CARF: variants seen among roughly 807,000 people sequenced by gnomAD.
The protein encoded by CARF is calcium-responsive transcription factor.
A neutral mutation model predicts 82.0 loss-of-function variants in CARF; 57 were observed. The ratio of observed to expected loss-of-function variants is 0.70; its 90% CI spans 0.56 to 0.87. The LOEUF is 0.87. CARF is among the 40% of genes least tolerant of loss of function. The pLI, the probability that CARF is intolerant of heterozygous loss-of-function variation, is 0.00. For missense variants in CARF, 771 were observed against 855.8 expected (o/e 0.90, Z 1.24); for synonymous variants, 268 against 290.1 (o/e 0.92, Z 0.77).
intron 12 of CARF, chr2:202,973,407 A>G (rs2059887413): frequency 4.7e-6 from 2 of 423,982 alleles, no homozygotes; most frequent in Non-Finnish European, 9.2e-6. Context: ...TCTTTTATAT[A>G]TTGATTTTTT....
In CARF at chr2:202,971,522, C is replaced by G; in HGVS notation, c.1115C>G (p.Pro372Arg). ...CTTACCAGGTGGTATGTACAGTTAC[C>G]TACACAGCAAGCTCATCAGTATCAT... is the stretch of plus-strand genomic sequence containing the variant. ...GGVLRWYVQL[P>R]TQQAHQYHEL... Residue 372 changes from proline (P) to arginine (R), a missense_variant, in exon 12 of 17, where the codon CCT (proline) becomes CGT (arginine). Physicochemically the swap from Pro to Arg is moderately radical, Grantham distance 103. Transcript: ENST00000438828. 1.2e-6 allele frequency: 2 copies of G among 1,610,904 alleles called. No individual in the cohort carries two copies. Among genetic ancestry groups the G allele is most frequent in the Non-Finnish European group, 1.7e-6 (2 of 1,177,724 alleles).
At chr2:202,952,738 A>G in intron 6 of CARF, 59 bp downstream of exon 6, 1 of 1,525,502 alleles carries the variant, frequency 6.6e-7, no homozygotes, top group Non-Finnish European at 8.9e-7. Flanking sequence ...AATATTTTAG[A>G]AAAATCACCT....
At chr2:202,918,421 T>C (rs1264952353) in intron 2 of CARF, among the ~76,000 whole-genome samples, 1 of 152,108 alleles carries the variant, frequency 6.6e-6, no homozygotes, top group African/African-American at 2.4e-5. Flanking sequence ...CTCTGGAGGC[T>C]GAGGCAGGAG....
rs1574833777 is a variant in CARF, at chr2:202,986,862, C to G, written c.*3238C>G. On this transcript the variant is annotated 3_prime_UTR_variant, in exon 17 of 17. Coordinates refer to ENST00000438828, the MANE Select transcript of CARF (RefSeq NM_024744.17). ...TTAAAAAAAGAGGTTTAAAAAATGT[C>G]TGTGCGTATATATATATATATATAT... is the stretch of plus-strand genomic sequence containing the variant. The G allele has an allele frequency of 7.4e-5, 2 of 26,936 alleles. No homozygotes were observed. The highest frequency in any genetic ancestry group is 1.0e-4 in the Non-Finnish European group (1 of 9,888). 1.7% of individuals were successfully genotyped at this position (26,936 alleles called of 1,614,324 possible). A position where few individuals can be genotyped will look rare whatever the true frequency, so the allele number is the denominator to read the frequency against.
At chr2:202,956,902 C>T (rs1460727823) in intron 8 of CARF, among the ~76,000 whole-genome samples, 6 of 152,298 alleles carry the variant, frequency 3.9e-5, no homozygotes, top group Admixed American at 3.3e-4. Context: ...GATTCTGCTG[C>T]CTCAGCCTCT....
intron 5 of CARF, among the ~76,000 whole-genome samples, chr2:202,945,241 G>A (rs987233027): frequency 5.3e-5 from 8 of 152,116 alleles, no homozygotes; most frequent in Non-Finnish European, 8.8e-5. Flanking sequence ...GTACCTGCAC[G>A]TGCTACAGTA....
chr2:202,915,403 C>G (rs1465840921), intron 1 of CARF, among the ~76,000 whole-genome samples: 1 of 152,120 alleles, frequency 6.6e-6, no homozygotes, highest in African/African-American at 2.4e-5. Flanking sequence ...TCAAGTGATC[C>G]GTGTTTCAGC....
In CARF at chr2:202,983,506, T is replaced by G; in HGVS notation, c.2060T>G (p.Ile687Ser). 1 of 1,581,890 alleles carries G rather than the reference T, an allele frequency of 6.3e-7. No individual in the cohort carries two copies. Among genetic ancestry groups the G allele is most frequent in the Non-Finnish European group, 8.6e-7 (1 of 1,158,348 alleles). The change falls in exon 17 of 17, where the codon ATT becomes AGT. Residue 687 changes from isoleucine (I) to serine (S), a missense_variant and splice_region_variant. Transcript: ENST00000438828. Reference protein sequence around the residue: ...IQIIDNHSALIEENPESTISV... With the variant: ...IQIIDNHSALSEENPESTISV... ...AGGATTTTTCTGTTTGTTTTTAAAG[T>G]TGAAGAAAATCCAGAAAGTACCATT...
chr2:202,918,453 G>GGAGCTTGCAGTGAGCCGA (rs958492483), intron 2 of CARF, among the ~76,000 whole-genome samples: 1 of 152,224 alleles, frequency 6.6e-6, no homozygotes, highest in Middle Eastern at 3.4e-3. Context: ...CCTGGGAGGC[G>GGAGCTTGCAGTGAGCCGA]GAGCTTGCAG....
At position 202,987,648 on chromosome 2, in the gene CARF, G is replaced by GA. The variant is rs766793103; in HGVS notation, c.*4030dup. Among the ~76,000 whole-genome samples, 7 of 152,200 alleles carry GA rather than the reference G, an allele frequency of 4.6e-5. No individual in the cohort carries two copies. The highest frequency in any genetic ancestry group is 2.1e-4 in the South Asian group (1 of 4,828). On this transcript the variant is annotated 3_prime_UTR_variant, in exon 17 of 17. Coordinates refer to ENST00000438828, the MANE Select transcript of CARF (RefSeq NM_024744.17). ...CTGAATTCTTAAAACTTTGGGAATA[G>GA]AAAAAACACATTTATTAATGGATGC...
chr2:202,943,065 G>GTGTTTATTTATT, intron 5 of CARF, 98 bp downstream of exon 5: 1 of 919,028 alleles, frequency 1.1e-6, no homozygotes, highest in Non-Finnish European at 1.7e-6. Context: ...GACTTACATT[G>GTGTTTATTTATT]TGTTTATTTA....
At chr2:202,955,987 ACT>A in intron 8 of CARF, among the ~76,000 whole-genome samples, 1 of 150,488 alleles carries the variant, frequency 6.6e-6, no homozygotes, top group East Asian at 1.9e-4. Context: ...TTCTCTTGCA[ACT>A]CTCTTCCCTC....
intron 3 of CARF, among the ~76,000 whole-genome samples, chr2:202,927,800 C>CTT (rs766636748): frequency 4.3e-5 from 6 of 138,050 alleles, no homozygotes; most frequent in African/African-American, 7.9e-5. Flanking sequence ...ATCTAGCTGT[C>CTT]TTTTTTTTTT....
At chr2:202,973,753 A>AT (rs777966363) in intron 12 of CARF, among the ~76,000 whole-genome samples, 1 of 152,232 alleles carries the variant, frequency 6.6e-6, no homozygotes, top group African/African-American at 2.4e-5. Context: ...AAACATTATT[A>AT]TACTTAAACT....
chr2:202,983,438 AT>A, intron 16 of CARF, 67 bp from the exon 17 acceptor site: 2 of 958,694 alleles, frequency 2.1e-6, no homozygotes, highest in Non-Finnish European at 3.2e-6. Context: ...AATATAAAAT[AT>A]TTTTCCCCTC....
intron 2 of CARF, among the ~76,000 whole-genome samples, chr2:202,923,783 A>C (rs1244122472): frequency 2.0e-5 from 3 of 152,230 alleles, no homozygotes. Flanking sequence ...AGGTACATAG[A>C]CCAATGAAAC....
At chr2:202,959,798 A>G (rs899186487) in intron 8 of CARF, among the ~76,000 whole-genome samples, 2 of 141,160 alleles carry the variant, frequency 1.4e-5, no homozygotes, top group African/African-American at 5.2e-5. Context: ...AACAAGAGTG[A>G]AACTCCATCT....
intron 3 of CARF, among the ~76,000 whole-genome samples, chr2:202,932,472 G>A (rs141297742): frequency 0.015 from 2,264 of 152,222 alleles, 29 homozygotes; most frequent in Middle Eastern, 0.051. Flanking sequence ...ACTGGCCCAA[G>A]CCTAGGGGAA....
At position 202,982,325 on chromosome 2, in the gene CARF, T is replaced by C; in HGVS notation, c.1943T>C (p.Leu648Pro). 6.2e-7 allele frequency: 1 copy of C among 1,614,110 alleles called. No homozygotes were observed. ...CAAAATCTAGTTGCAATGGACGAGC[T>C]GGTAGAAGTTGGAGATGTTGAGGAT... ...PDQNLVAMDE[L>P]VEVGDVEDTG... Residue 648 changes from leucine (L) to proline (P), a missense_variant, in exon 16 of 17, where the codon CTG (leucine) becomes CCG (proline). Coordinates refer to ENST00000438828, the MANE Select transcript of CARF (RefSeq NM_024744.17).
Sources: allele counts gnomAD v4.1 joint callset (sites outside exome capture counted in the v4.1 genomes callset), GRCh38; gene constraint gnomAD v4.1.1; transcripts MANE v1.5; gene names NCBI Gene and HGNC (gene_info 2026-07-23, HGNC 2026-07-21).